The following ARPP21 variants were observed in gnomAD, a reference collection of about 807,000 sequenced individuals.
The protein encoded by ARPP21 is cAMP-regulated phosphoprotein 21.
ARPP21 carries 69 observed loss-of-function variants against 113.2 expected under a neutral mutation model. That is an observed-to-expected ratio of 0.61 (90% confidence interval 0.50 to 0.74). The LOEUF (loss-of-function observed/expected upper bound fraction) is 0.74, where lower values mean the gene tolerates loss of function less well. Among genes scored for constraint, ARPP21 ranks in the 30% least tolerant of loss-of-function variants. ARPP21 has a pLI of 0.00. For synonymous variants in ARPP21, 368 were observed against 375.5 expected, an observed-to-expected ratio of 0.98 and a Z score of 0.23; for missense variants, 1,070 against 1,037.4, an observed-to-expected ratio of 1.03 and a Z score of -0.43.
At chr3:35,700,106 G>T (rs1018837048) in intron 9 of ARPP21, among the ~76,000 whole-genome samples, 1 of 151,738 alleles carries the variant, frequency 6.6e-6, no homozygotes, top group African/African-American at 2.4e-5. Flanking sequence ...CCAGCACTGG[G>T]CTTAGTAGCT....
chr3:35,663,387 G>A (rs1040032799), intron 1 of ARPP21, among the ~76,000 whole-genome samples: 21 of 152,136 alleles, frequency 1.4e-4, no homozygotes, highest in Non-Finnish European at 2.9e-5. Flanking sequence ...CAGTCTGGGC[G>A]CATAGTTCTT....
At chr3:35,676,282 T>C (rs972910468) in intron 1 of ARPP21, among the ~76,000 whole-genome samples, 1 of 151,960 alleles carries the variant, frequency 6.6e-6, no homozygotes, top group African/African-American at 2.4e-5. Context: ...ATCAGTTCCT[T>C]CCACTTTTGG....
intron 19 of ARPP21, among the ~76,000 whole-genome samples, chr3:35,777,524 T>C (rs1311733433): frequency 6.6e-5 from 10 of 152,214 alleles, no homozygotes; most frequent in Non-Finnish European, 1.5e-4. Context: ...TATCACTTCA[T>C]ACTATTCACC....
intron 6 of ARPP21, among the ~76,000 whole-genome samples, 153 bp downstream of exon 6, chr3:35,688,036 C>T (rs895839100): frequency 6.6e-6 from 1 of 151,492 alleles, no homozygotes; most frequent in African/African-American, 2.4e-5. Context: ...AAAATGTGAA[C>T]TTGATTTTCT....
intron 1 of ARPP21, among the ~76,000 whole-genome samples, chr3:35,674,255 G>A (rs901871414): frequency 1.1e-4 from 17 of 151,904 alleles, no homozygotes; most frequent in African/African-American, 3.1e-4. Context: ...GTGATACTGA[G>A]AGAAATATAT....
chr3:35,774,652 G>C (rs2096300539), intron 19 of ARPP21: 1 of 152,126 alleles, frequency 6.6e-6, no homozygotes, highest in African/African-American at 2.4e-5. Context: ...TCTTGTGACT[G>C]GGTTTCTGGG....
At chr3:35,702,090 C>A (rs2086635164) in intron 9 of ARPP21, among the ~76,000 whole-genome samples, 2 of 151,516 alleles carry the variant, frequency 1.3e-5, no homozygotes, top group Admixed American at 1.3e-4. Context: ...TTCATAATCA[C>A]AAATATATAA....
intron 19 of ARPP21, among the ~76,000 whole-genome samples, chr3:35,751,078 C>T (rs554941381): frequency 5.6e-4 from 85 of 152,066 alleles, no homozygotes; most frequent in African/African-American, 1.9e-3. Context: ...TCTTGAATGC[C>T]GTGAAGATAG....
intron 19 of ARPP21, among the ~76,000 whole-genome samples, chr3:35,766,803 A>G (rs959132632): frequency 2.0e-5 from 3 of 152,106 alleles, no homozygotes; most frequent in African/African-American, 7.2e-5. Context: ...ATTTCTTAAA[A>G]TACAATTAAG....
At chr3:35,660,154 A>G (rs1285589581) in intron 1 of ARPP21, among the ~76,000 whole-genome samples, 1 of 152,170 alleles carries the variant, frequency 6.6e-6, no homozygotes, top group Non-Finnish European at 1.5e-5. Context: ...AGGTGGTTTA[A>G]TAAATAATCA....
intron 19 of ARPP21, among the ~76,000 whole-genome samples, chr3:35,777,200 A>C (rs1404134026): frequency 6.6e-6 from 1 of 152,184 alleles, no homozygotes; most frequent in Admixed American, 6.5e-5. Flanking sequence ...ATAATTCTGG[A>C]GAGAATGAAA....
At chr3:35,788,869 A>G (rs554933838) in intron 19 of ARPP21, among the ~76,000 whole-genome samples, 15 of 152,344 alleles carry the variant, frequency 9.8e-5, no homozygotes, top group African/African-American at 3.6e-4. Flanking sequence ...AGATTGATAC[A>G]ATGCAGACAT....
Position 35,717,350 on chromosome 3 carries a change from C to G in ARPP21, c.988C>G (p.Leu330Val). 4 of 1,598,284 alleles carry G rather than the reference C, an allele frequency of 2.5e-6. No individual in the cohort carries two copies. The highest frequency in any genetic ancestry group is 3.4e-6 in the Non-Finnish European group (4 of 1,166,080). Reference protein sequence around the residue: ...ICNETYKKRQLFRGNRDGSGR... With the variant: ...ICNETYKKRQVFRGNRDGSGR... ...CAATGAGACCTATAAGAAAAGACAGCTCTTTCGGTTGGTATGGTTTACTTT... is the reference window on the plus strand; with the variant it reads ...CAATGAGACCTATAAGAAAAGACAGGTCTTTCGGTTGGTATGGTTTACTTT... Residue 330 changes from leucine to valine, a missense_variant, in exon 13 of 21, where the codon CTC (leucine) becomes GTC (valine). Leu to Val is a conservative substitution (Grantham distance 32). Transcript: ENST00000684406.
chr3:35,771,507 T>C (rs1211084347), intron 19 of ARPP21, among the ~76,000 whole-genome samples: 1 of 152,072 alleles, frequency 6.6e-6, no homozygotes, highest in African/African-American at 2.4e-5. Context: ...TTTTGTATTT[T>C]TAGTAATGAC....
chr3:35,792,191 C>A, intron 19 of ARPP21, 191 bp from the exon 20 acceptor site: 2 of 600,408 alleles, frequency 3.3e-6, no homozygotes, highest in South Asian at 2.2e-5. Context: ...TTTTTAAAGC[C>A]ATAATCTTGT....
chr3:35,789,500 A>G (rs1350949700), intron 19 of ARPP21, among the ~76,000 whole-genome samples: 1 of 152,238 alleles, frequency 6.6e-6, no homozygotes, highest in African/African-American at 2.4e-5. Flanking sequence ...GGCTCTCCTT[A>G]CACTAAAGTT....
intron 1 of ARPP21, among the ~76,000 whole-genome samples, chr3:35,657,473 G>A (rs775323736): frequency 2.6e-5 from 4 of 152,210 alleles, no homozygotes; most frequent in East Asian, 1.9e-4. Context: ...CTCAGTGAAC[G>A]AGTTAATAGC....
intron 1 of ARPP21, among the ~76,000 whole-genome samples, chr3:35,652,987 C>T (rs1217043281): frequency 3.9e-5 from 6 of 151,912 alleles, no homozygotes; most frequent in Non-Finnish European, 8.8e-5. Flanking sequence ...TTGCTGAAGG[C>T]GCAGGGACAG....
At chr3:35,641,138 G>A (rs1214176279) in intron 1 of ARPP21, 1 of 152,006 alleles carries the variant, frequency 6.6e-6, no homozygotes, top group Non-Finnish European at 1.5e-5. Flanking sequence ...TTAAAAGGCT[G>A]GTAGAAATCA....
Sources: gnomAD v4.1 joint callset for allele counts (sites outside exome capture counted in the v4.1 genomes callset) on GRCh38, gnomAD v4.1.1 for gene constraint, MANE v1.5 for transcripts, NCBI Gene and HGNC (gene_info 2026-07-23, HGNC 2026-07-21) for gene names.